RARB: variants seen among roughly 807,000 people sequenced by gnomAD.
The protein encoded by RARB is retinoic acid receptor beta.
A neutral mutation model predicts 51.9 loss-of-function variants in RARB; 17 were observed. The ratio of observed to expected loss-of-function variants is 0.33; its 90% confidence interval spans 0.22 to 0.49. RARB has a LOEUF of 0.49. Among genes scored for constraint, RARB ranks in the 20% least tolerant of loss-of-function variants. The pLI, the probability that RARB is intolerant of heterozygous loss-of-function variation, is 0.99. For synonymous variants in RARB, 215 were observed against 195.4 expected (o/e 1.10, Z -0.84); for missense variants, 369 against 550.8 (o/e 0.67, Z 3.30).
Position 25,174,378 on chromosome 3 carries a change from C to A in RARB, c.-20C>A, listed in dbSNP as rs1352430349. ...TGTGTTCCTGCTCCAGAGCACCTTTCTTTCTGTGAGGCCCGAAACATGACC... is the reference window on the plus strand; with the variant it reads ...TGTGTTCCTGCTCCAGAGCACCTTTATTTCTGTGAGGCCCGAAACATGACC... On this transcript the variant is annotated 5_prime_UTR_variant, in exon 5 of 12. Transcript: ENST00000383772. 3 of 1,351,652 alleles carry A rather than the reference C, an allele frequency of 2.2e-6. No individual in the cohort carries two copies. The Admixed American group carries it at 5.7e-5, about 26-fold the overall frequency. The allele number at this position is 1,351,652 out of a possible 1,614,324, so 83.7% of individuals were successfully genotyped here. A position where few individuals can be genotyped will look rare whatever the true frequency, so the allele number is the denominator to read the frequency against.
intron 2 of RARB, among the ~76,000 whole-genome samples, chr3:25,002,849 T>G (rs1697194865): frequency 6.6e-6 from 1 of 152,040 alleles, no homozygotes; most frequent in African/African-American, 2.4e-5. Flanking sequence ...TAAGAATATC[T>G]CAGAGTTGTT....
At chr3:25,038,833 G>C (rs187039981) in intron 2 of RARB, among the ~76,000 whole-genome samples, 1 of 152,104 alleles carries the variant, frequency 6.6e-6, no homozygotes, top group Admixed American at 6.5e-5. Flanking sequence ...CCAACCTCTG[G>C]GTATGATTTG....
chr3:24,908,676 T>TTTTG (rs1694924959), intron 2 of RARB, among the ~76,000 whole-genome samples: 1 of 146,934 alleles, frequency 6.8e-6, no homozygotes, highest in Non-Finnish European at 1.5e-5. Context: ...TTTTTTTTTT[T>TTTTG]TTTTTTTTTT....
chr3:24,949,896 G>T (rs943742924), intron 2 of RARB, among the ~76,000 whole-genome samples: 1 of 152,144 alleles, frequency 6.6e-6, no homozygotes, highest in African/African-American at 2.4e-5. Context: ...GCCTACATTG[G>T]CACTGGTAAG....
At chr3:25,093,553 T>C (rs1473223674) in intron 3 of RARB, among the ~76,000 whole-genome samples, 1 of 152,102 alleles carries the variant, frequency 6.6e-6, no homozygotes, top group Admixed American at 6.6e-5. Flanking sequence ...GCTAGGAAGA[T>C]GAGATGAGCC....
intron 5 of RARB, among the ~76,000 whole-genome samples, chr3:25,419,398 C>A (rs979164323): frequency 1.3e-4 from 20 of 152,140 alleles, no homozygotes; most frequent in African/African-American, 4.8e-4. Context: ...GCTGCCTTAG[C>A]AGGATTCTGG....
chr3:25,309,430 T>C (rs1003673919), intron 5 of RARB, among the ~76,000 whole-genome samples: 13 of 148,360 alleles, frequency 8.8e-5, no homozygotes, highest in African/African-American at 2.0e-4. Flanking sequence ...TGAGCCACCA[T>C]GCCCGGCCTC....
At chr3:25,241,227 A>G (rs962978355) in intron 5 of RARB, among the ~76,000 whole-genome samples, 1 of 152,192 alleles carries the variant, frequency 6.6e-6, no homozygotes, top group Non-Finnish European at 1.5e-5. Context: ...TACAATTTCC[A>G]AAGTTTCTCT....
intron 5 of RARB, among the ~76,000 whole-genome samples, chr3:25,208,438 G>C (rs1385657123): frequency 6.6e-6 from 1 of 152,018 alleles, no homozygotes; most frequent in Non-Finnish European, 1.5e-5. Flanking sequence ...GACCTTTCAA[G>C]CAAGTCATTT....
At chr3:25,190,123 A>C (rs964768959) in intron 5 of RARB, among the ~76,000 whole-genome samples, 3 of 152,118 alleles carry the variant, frequency 2.0e-5, no homozygotes, top group Admixed American at 6.6e-5. Context: ...ATATGAAGAA[A>C]TAAAGGTAAA....
chr3:25,404,700 G>A (rs986830588), intron 5 of RARB, among the ~76,000 whole-genome samples: 2 of 152,254 alleles, frequency 1.3e-5, no homozygotes, highest in Middle Eastern at 3.4e-3. Context: ...GCATGGCCTC[G>A]TATTTCAAGG....
chr3:25,558,811 G>A (rs950697492), intron 3 of RARB, among the ~76,000 whole-genome samples: 3 of 151,978 alleles, frequency 2.0e-5, no homozygotes, highest in Non-Finnish European at 2.9e-5. Flanking sequence ...AGCCCAATAC[G>A]GGGTTAAAAC....
intron 5 of RARB, among the ~76,000 whole-genome samples, chr3:25,186,067 C>T (rs145901886): frequency 6.6e-6 from 1 of 152,020 alleles, no homozygotes; most frequent in African/African-American, 2.4e-5. Context: ...ATTAAAAATA[C>T]AACTAACAAA....
At chr3:25,308,647 C>A (rs1342025075) in intron 5 of RARB, among the ~76,000 whole-genome samples, 2 of 152,030 alleles carry the variant, frequency 1.3e-5, no homozygotes, top group Non-Finnish European at 2.9e-5. Context: ...AGGGTTTCAC[C>A]ATGTTGGCCA....
chr3:24,966,607 TC>T (rs1696278948), intron 2 of RARB, among the ~76,000 whole-genome samples: 1 of 18,882 alleles, frequency 5.3e-5, no homozygotes, highest in African/African-American at 3.5e-4. Flanking sequence ...TTTACATTCA[TC>T]TCTCTCTCTC....
chr3:25,280,559 G>C (rs1322635258), intron 5 of RARB, among the ~76,000 whole-genome samples: 3 of 152,042 alleles, frequency 2.0e-5, no homozygotes, highest in Non-Finnish European at 4.4e-5. Context: ...TGGGGTATTG[G>C]GTGTCAAATA....
chr3:25,214,555 G>T (rs960970832), intron 5 of RARB, among the ~76,000 whole-genome samples: 1 of 151,984 alleles, frequency 6.6e-6, no homozygotes, highest in South Asian at 2.1e-4. Flanking sequence ...TTTTCACATC[G>T]AATAAATGGG....
At chr3:24,981,035 G>A (rs1248158020) in intron 2 of RARB, among the ~76,000 whole-genome samples, 5 of 152,200 alleles carry the variant, frequency 3.3e-5, no homozygotes, top group Admixed American at 2.6e-4. Context: ...TCAGCTGCAG[G>A]TCTGCTGGAG....
chr3:25,274,860 C>T (rs902128902), intron 5 of RARB, among the ~76,000 whole-genome samples: 1 of 152,054 alleles, frequency 6.6e-6, no homozygotes, highest in Non-Finnish European at 1.5e-5. Context: ...ACATTTCTAC[C>T]CATGTTCCTT....
Sources: gnomAD v4.1 joint callset for allele counts (sites outside exome capture counted in the v4.1 genomes callset) on GRCh38, gnomAD v4.1.1 for gene constraint, MANE v1.5 for transcripts, NCBI Gene and HGNC (gene_info 2026-07-23, HGNC 2026-07-21) for gene names.